ZNF609: variants seen among roughly 807,000 people sequenced by gnomAD.
ZNF609 encodes the protein zinc finger protein 609.
In ZNF609, 11 loss-of-function variants were observed where a neutral mutation model predicts 109.5. The observed-to-expected ratio is 0.10, with a 90% CI of 0.06 to 0.17. The LOEUF (loss-of-function observed/expected upper bound fraction) is 0.17, where lower values mean the gene tolerates loss of function less well. ZNF609 is among the 10% of genes least tolerant of loss of function. The probability of loss-of-function intolerance (pLI) is 1.00; values close to 1 mark genes in which losing one functional copy is unlikely to be tolerated. For synonymous variants in ZNF609, 646 were observed against 662.0 expected (o/e 0.98, Z 0.37); for missense variants, 1,559 against 1,772.4 (o/e 0.88, Z 2.16).
intron 2 of ZNF609, among the ~76,000 whole-genome samples, chr15:64,598,146 G>A (rs528682906): frequency 3.3e-5 from 5 of 152,110 alleles, no homozygotes; most frequent in African/African-American, 9.6e-5. Context: ...AGATAGTCTC[G>A]CTCTGTCACC....
chr15:64,568,729 G>C (rs921434874), intron 2 of ZNF609, among the ~76,000 whole-genome samples: 1 of 152,116 alleles, frequency 6.6e-6, no homozygotes, highest in African/African-American at 2.4e-5. Context: ...TTCTTTCACT[G>C]AACATTTACT....
rs1893531914 is a variant in ZNF609, at chr15:64,499,652, T to A, written c.233T>A (p.Val78Glu). The change falls in exon 2 of 10, where the codon GTG (valine) becomes GAG (glutamate). Residue 78 changes from valine (V) to glutamate (E), a missense_variant. Physicochemically the swap from Val to Glu is moderately radical, Grantham distance 121. Coordinates refer to ENST00000326648, the MANE Select transcript of ZNF609 (RefSeq NM_015042.2). ...LPDNIKFVTP[V>E]PGPQGKEGKS... ...GACAACATCAAGTTTGTGACCCCAG[T>A]GCCAGGTCCTCAAGGGAAGGAAGGC... 1 of 1,613,972 alleles carries A rather than the reference T, an allele frequency of 6.2e-7. No individual in the cohort carries two copies. The highest frequency in any genetic ancestry group is 1.3e-5 in the African/African-American group (1 of 74,872).
intron 1 of ZNF609, among the ~76,000 whole-genome samples, chr15:64,487,701 C>G (rs1188002788): frequency 1.3e-5 from 2 of 151,884 alleles, no homozygotes; most frequent in Non-Finnish European, 2.9e-5. Context: ...GGCACAATCT[C>G]GGCTCACTGC....
rs1336197426 is a variant in ZNF609, at chr15:64,685,933, TTCCTCTACCTTCC to T, written c.*4250_*4262del. 1 of 152,234 alleles carries T rather than the reference TTCCTCTACCTTCC, an allele frequency of 6.6e-6. No homozygotes were observed. Among genetic ancestry groups the T allele is most frequent in the African/African-American group, 2.4e-5 (1 of 41,458 alleles). The allele number at this position is 152,234 out of a possible 1,614,324, so 9.4% of individuals were successfully genotyped here. A position where few individuals can be genotyped will look rare whatever the true frequency, so the allele number is the denominator to read the frequency against. On this transcript the variant is annotated 3_prime_UTR_variant, in exon 10 of 10. Transcript: ENST00000326648. ...AACCATTGTTTGGCCGCTTTCTCTT[TTCCTCTACCTTCC>T]TCATCCCCACTTTTTTCCCTTTCTC...
intron 3 of ZNF609, among the ~76,000 whole-genome samples, chr15:64,661,136 A>T (rs1282731081): frequency 1.3e-5 from 2 of 151,826 alleles, no homozygotes; most frequent in African/African-American, 4.8e-5. Flanking sequence ...TAATTTTGGT[A>T]TTTTTTGTAG....
intron 2 of ZNF609, among the ~76,000 whole-genome samples, chr15:64,608,334 T>TGTACCATGTACCCTTTTCCTAGGGAA (rs1895646808): frequency 6.6e-6 from 1 of 152,222 alleles, no homozygotes; most frequent in Non-Finnish European, 1.5e-5. Flanking sequence ...AGTACTCTCA[T>TGTACCATGTACCCTTTTCCTAGGGAA]GTACCATGTA....
At chr15:64,649,261 C>G (rs935424843) in intron 3 of ZNF609, among the ~76,000 whole-genome samples, 1 of 151,958 alleles carries the variant, frequency 6.6e-6, no homozygotes, top group African/African-American at 2.4e-5. Flanking sequence ...TATTTTAATG[C>G]CATAAACTCA....
At chr15:64,539,820 A>C (rs1304083305) in intron 2 of ZNF609, among the ~76,000 whole-genome samples, 2 of 144,164 alleles carry the variant, frequency 1.4e-5, no homozygotes, top group African/African-American at 4.9e-5. Context: ...TATTTTTAGT[A>C]GTGACAGGGT....
intron 2 of ZNF609, among the ~76,000 whole-genome samples, chr15:64,577,725 G>T (rs527336557): frequency 6.7e-6 from 1 of 149,584 alleles, no homozygotes; most frequent in African/African-American, 2.5e-5. Flanking sequence ...CGGGTATGGG[G>T]ACACATGCCT....
chr15:64,509,422 G>A lies in ZNF609; in HGVS notation c.747+9256G>A, dbSNP rs74697578. On this transcript the variant is annotated intron_variant, in intron 2 of 9. Transcript: ENST00000326648. Reference sequence around the variant, plus strand: ...AGTAAGTAACCAATAAATGTTAGCTGTTGCTGATGTTACTGTTCTTAGCTT... The same window carrying A: ...AGTAAGTAACCAATAAATGTTAGCTATTGCTGATGTTACTGTTCTTAGCTT... Among the ~76,000 whole-genome samples the A allele has an allele frequency of 5.3e-3, 810 of 152,324 alleles. 11 individuals carry two copies. The highest frequency in any genetic ancestry group is 0.019 in the African/African-American group (777 of 41,552).
chr15:64,634,821 C>G (rs1567035645), intron 3 of ZNF609, among the ~76,000 whole-genome samples: 1 of 152,132 alleles, frequency 6.6e-6, no homozygotes. Context: ...AACAGACCAC[C>G]ACATGGCAAC....
chr15:64,535,439 T>G (rs1439678265), intron 2 of ZNF609, among the ~76,000 whole-genome samples: 1 of 152,226 alleles, frequency 6.6e-6, no homozygotes, highest in African/African-American at 2.4e-5. Flanking sequence ...GGTTGTTGCG[T>G]GTATCAATAG....
At chr15:64,477,136 CTTTT>C (rs911785223) in intron 1 of ZNF609, among the ~76,000 whole-genome samples, 7 of 105,784 alleles carry the variant, frequency 6.6e-5, no homozygotes, top group African/African-American at 2.6e-4. Flanking sequence ...TCTTCTCTTT[CTTTT>C]TTTTTTTTTT....
chr15:64,513,000 G>A lies in ZNF609; in HGVS notation c.747+12834G>A, dbSNP rs531428531. ...AAATTTTAGCCAAAATAATAATTAC[G>A]TAACCTTAAATTCTCATAATAAAAT... On this transcript the variant is annotated intron_variant, in intron 2 of 9. Coordinates refer to ENST00000326648, the MANE Select transcript of ZNF609 (RefSeq NM_015042.2). Among the ~76,000 whole-genome samples the A allele has an allele frequency of 1.4e-4, 21 of 151,960 alleles. No homozygotes were observed. The East Asian group carries it at 3.3e-3, about 24-fold the overall frequency.
At chr15:64,592,634 C>T (rs1895319694) in intron 2 of ZNF609, among the ~76,000 whole-genome samples, 1 of 151,470 alleles carries the variant, frequency 6.6e-6, no homozygotes, top group Admixed American at 6.6e-5. Context: ...TTTAAGTTGG[C>T]CAGGCATGGT....
chr15:64,616,048 T>A (rs1393058662), intron 2 of ZNF609, among the ~76,000 whole-genome samples: 1 of 152,126 alleles, frequency 6.6e-6, no homozygotes, highest in Non-Finnish European at 1.5e-5. Flanking sequence ...ATAGGGTCTC[T>A]CATTTTGGTG....
chr15:64,544,220 A>G (rs1019120359), intron 2 of ZNF609, among the ~76,000 whole-genome samples: 4 of 152,112 alleles, frequency 2.6e-5, no homozygotes, highest in African/African-American at 9.7e-5. Context: ...TGCATCTGTA[A>G]TCCCTGCTAC....
At chr15:64,505,733 T>G (rs746935520) in intron 2 of ZNF609, among the ~76,000 whole-genome samples, 3 of 152,188 alleles carry the variant, frequency 2.0e-5, no homozygotes, top group Non-Finnish European at 4.4e-5. Flanking sequence ...CTCCAGATAA[T>G]TGCTATATAC....
intron 2 of ZNF609, among the ~76,000 whole-genome samples, chr15:64,579,927 C>T (rs1895069380): frequency 1.3e-5 from 2 of 152,030 alleles, no homozygotes; most frequent in African/African-American, 2.4e-5. Flanking sequence ...AGAATACTGC[C>T]TCCTCCAAAA....
Sources: allele counts gnomAD v4.1 joint callset (sites outside exome capture counted in the v4.1 genomes callset), GRCh38; gene constraint gnomAD v4.1.1; transcripts MANE v1.5; gene names NCBI Gene and HGNC (gene_info 2026-07-23, HGNC 2026-07-21).